SAXO1: variants seen among roughly 807,000 people sequenced by gnomAD.
SAXO1 encodes 4930500O09Rik.
In SAXO1, 21 loss-of-function variants were observed where a neutral mutation model predicts 17.5. That is an observed-to-expected ratio of 1.20 (90% CI 0.85 to 1.72). The LOEUF (loss-of-function observed/expected upper bound fraction) is 1.72, where lower values mean the gene tolerates loss of function less well. Ranked by LOEUF, SAXO1 falls within the 40% of genes most tolerant of loss-of-function variation. The probability of loss-of-function intolerance (pLI) is 0.00; values close to 1 mark genes in which losing one functional copy is unlikely to be tolerated. For missense variants in SAXO1, 843 were observed against 596.0 expected (o/e 1.41, Z -4.32); for synonymous variants, 274 against 216.5 (o/e 1.27, Z -2.33).
At chr9:18,975,084 T>A (rs1480555798) in intron 1 of SAXO1, among the ~76,000 whole-genome samples, 1 of 152,084 alleles carries the variant, frequency 6.6e-6, no homozygotes, top group East Asian at 1.9e-4. Context: ...AATACTTGAA[T>A]CAGGTGTTGA....
chr9:18,949,271 A>C (rs1048180357), intron 2 of SAXO1, among the ~76,000 whole-genome samples: 1 of 152,182 alleles, frequency 6.6e-6, no homozygotes, highest in Non-Finnish European at 1.5e-5. Context: ...TGGCCTTAGC[A>C]ATATAGCAAA....
In SAXO1 at chr9:18,928,576, T is replaced by A. The variant is rs746098652; in HGVS notation, c.901A>T (p.Met301Leu). The change falls in exon 4 of 4, where the codon ATG becomes TTG. Residue 301 changes from methionine (M) to leucine (L), a missense_variant. Transcript: ENST00000380534. ...GCCTGCACTGTTGTCAGAAGATCCA[T>A]CCTGTCTTCGGGAGGGACGTAGGTG... The part of the protein sequence containing the change: ...PITYVPPEDR[M>L]DLLTTVQAHY... 1.2e-6 allele frequency: 2 copies of A among 1,614,076 alleles called. No individual in the cohort carries two copies. Among genetic ancestry groups the A allele is most frequent in the Non-Finnish European group, 1.7e-6 (2 of 1,180,006 alleles).
rs567221647 is a variant in SAXO1 at position 18,969,451 on chromosome 9, C to CA, written c.39-18515dup. 9.9e-5 allele frequency among the ~76,000 whole-genome samples: 15 copies of CA among 152,270 alleles called. No individual in the cohort carries two copies. The South Asian group carries it at 2.9e-3, about 30-fold the overall frequency. On this transcript the variant is annotated intron_variant, in intron 1 of 3. Transcript: ENST00000380534. ...TTCCAAGGCTCTCTTCCAGGCACTGCAAAAAACACCCAAAGCCCCTCTAAT... is the reference window on the plus strand; with the variant it reads ...TTCCAAGGCTCTCTTCCAGGCACTGCAAAAAAACACCCAAAGCCCCTCTAAT...
chr9:18,944,124 T>A (rs7048373), intron 2 of SAXO1, among the ~76,000 whole-genome samples: 2 of 152,020 alleles, frequency 1.3e-5, no homozygotes, highest in African/African-American at 4.8e-5. Context: ...TTTTCCAGTA[T>A]AAAATTTAAG....
chr9:18,964,666 C>G (rs977906453), intron 1 of SAXO1, among the ~76,000 whole-genome samples: 1 of 152,100 alleles, frequency 6.6e-6, no homozygotes, highest in African/African-American at 2.4e-5. Flanking sequence ...CTTTATTAGT[C>G]TGGCTAGTGG....
chr9:18,958,629 GAGGCTACCACCA>G, intron 1 of SAXO1, among the ~76,000 whole-genome samples: 1 of 152,030 alleles, frequency 6.6e-6, no homozygotes. Flanking sequence ...GAAGGATTAA[GAGGCTACCACCA>G]AGTTTAGTGA....
At chr9:18,997,508 T>C (rs368790072) in intron 1 of SAXO1, among the ~76,000 whole-genome samples, 3 of 152,350 alleles carry the variant, frequency 2.0e-5, no homozygotes, top group Admixed American at 6.5e-5. Flanking sequence ...GCCTACTGCC[T>C]CTCTAGATTC....
intron 2 of SAXO1, among the ~76,000 whole-genome samples, chr9:18,945,817 C>T (rs1427578580): frequency 6.6e-6 from 1 of 152,104 alleles, no homozygotes; most frequent in African/African-American, 2.4e-5. Flanking sequence ...CTGGGGAGAG[C>T]CAACAGGTGG....
At chr9:19,026,769 A>C in intron 1 of SAXO1, 1 of 443,552 alleles carries the variant, frequency 2.3e-6, no homozygotes, top group Non-Finnish European at 4.2e-6. Context: ...GGTAGCTCAC[A>C]CCTGTAGTCT....
intron 1 of SAXO1, among the ~76,000 whole-genome samples, chr9:19,009,520 C>G (rs1458871524): frequency 6.6e-6 from 1 of 152,142 alleles, no homozygotes; most frequent in East Asian, 1.9e-4. Flanking sequence ...GCTTTTTGGG[C>G]TCTGGGCAAA....
intron 1 of SAXO1, among the ~76,000 whole-genome samples, chr9:19,040,634 A>T (rs1270792476): frequency 6.6e-6 from 1 of 152,124 alleles, no homozygotes; most frequent in Non-Finnish European, 1.5e-5. Flanking sequence ...ACAGAGTGAG[A>T]TTCTTTCTCC....
Position 18,929,018 on chromosome 9 carries a change from T to G in SAXO1, c.459A>C (p.Pro153=). ...YLPWNQPRRE[P]LRLEHKYQPA... is the part of the protein sequence containing the mutation. ...GCTGGTATTTGTGTTCCAGACGAAG[T>G]GGCTCTCGCCTTGGTTGGTTCCAAG... Residue 153 remains proline, a synonymous_variant, in exon 4 of 4, where the codon CCA becomes CCC. Coordinates refer to ENST00000380534, the MANE Select transcript of SAXO1 (RefSeq NM_153707.4). The G allele has an allele frequency of 6.2e-7, 1 of 1,614,212 alleles. No homozygotes were observed.
intron 1 of SAXO1, among the ~76,000 whole-genome samples, chr9:18,951,258 C>T (rs760992690): frequency 6.6e-6 from 1 of 152,096 alleles, no homozygotes; most frequent in African/African-American, 2.4e-5. Context: ...CCAAGCTCTC[C>T]GAGTGCCACC....
intron 1 of SAXO1, among the ~76,000 whole-genome samples, chr9:18,989,803 G>C (rs914798374): frequency 1.3e-5 from 2 of 152,154 alleles, no homozygotes; most frequent in African/African-American, 4.8e-5. Context: ...CAACTTGAGG[G>C]ACATGATAAG....
intron 2 of SAXO1, among the ~76,000 whole-genome samples, chr9:18,946,208 G>T (rs1831788752): frequency 6.9e-6 from 1 of 145,882 alleles, no homozygotes; most frequent in East Asian, 2.0e-4. Context: ...CTCGGGAGGA[G>T]GAAGTTGCGG....
chr9:19,022,419 C>T (rs1465564049), intron 1 of SAXO1, among the ~76,000 whole-genome samples: 1 of 152,156 alleles, frequency 6.6e-6, no homozygotes, highest in Non-Finnish European at 1.5e-5. Context: ...ATGTTCTTCC[C>T]CTAATATTAC....
intron 2 of SAXO1, among the ~76,000 whole-genome samples, chr9:18,947,953 G>A (rs536993953): frequency 5.9e-5 from 9 of 152,304 alleles, no homozygotes; most frequent in East Asian, 5.8e-4. Context: ...CCTGGACCAC[G>A]TGACTTTTTC....
intron 1 of SAXO1, among the ~76,000 whole-genome samples, chr9:18,960,340 C>T (rs1832433657): frequency 6.6e-6 from 1 of 152,068 alleles, no homozygotes; most frequent in African/African-American, 2.4e-5. Flanking sequence ...AGGAAGATAC[C>T]ACTCTGGAAT....
chr9:19,015,879 A>G (rs1834954077), intron 1 of SAXO1, among the ~76,000 whole-genome samples: 1 of 152,126 alleles, frequency 6.6e-6, no homozygotes, highest in Non-Finnish European at 1.5e-5. Context: ...ACCCACCTGC[A>G]TCTGAATCAC....
Sources: allele counts gnomAD v4.1 joint callset (sites outside exome capture counted in the v4.1 genomes callset), GRCh38; gene constraint gnomAD v4.1.1; transcripts MANE v1.5; gene names NCBI Gene and HGNC (gene_info 2026-07-23, HGNC 2026-07-21).